The following SNX30 variants were observed in gnomAD, a reference collection of about 807,000 sequenced individuals.
SNX30 encodes sorting nexin family member 30.
Under a neutral mutation model 46.4 loss-of-function variants are expected in SNX30, and 24 were observed. That is an observed-to-expected ratio of 0.52 (90% confidence interval 0.37 to 0.73). SNX30 has a LOEUF of 0.73. Among genes scored for constraint, SNX30 ranks in the 30% least tolerant of loss-of-function variants. The probability of loss-of-function intolerance (pLI) is 0.00; values close to 1 mark genes in which losing one functional copy is unlikely to be tolerated. For synonymous variants in SNX30, 189 were observed against 211.5 expected (o/e 0.89, Z 0.92); for missense variants, 533 against 555.7 (o/e 0.96, Z 0.41).
chr9:112,829,691 C>T (rs766306486), intron 3 of SNX30, among the ~76,000 whole-genome samples: 4 of 152,160 alleles, frequency 2.6e-5, no homozygotes, highest in Admixed American at 1.3e-4. Flanking sequence ...ACAGTGGCTG[C>T]ACATTTTACA....
chr9:112,865,510 C>G (rs946349256), intron 8 of SNX30, among the ~76,000 whole-genome samples: 3 of 151,054 alleles, frequency 2.0e-5, no homozygotes, highest in Non-Finnish European at 4.4e-5. Flanking sequence ...TCCAGCTACT[C>G]GGGAGGCTGT....
rs572936459 is a variant in SNX30 at position 112,872,796 on chromosome 9, A to C, written c.*3953A>C. On this transcript the variant is annotated 3_prime_UTR_variant, in exon 9 of 9. Coordinates refer to ENST00000374232, the MANE Select transcript of SNX30 (RefSeq NM_001012994.2). ...AAGCCTTCAAGATGGCAGCAGATGG[A>C]CACACCCTCTCATTTCTTGTGTCTT... 4.6e-5 allele frequency: 7 copies of C among 152,262 alleles called. No homozygotes were observed. Among genetic ancestry groups the C allele is most frequent in the African/African-American group, 1.4e-4 (6 of 41,556 alleles). The allele number at this position is 152,262 out of a possible 1,614,324, so 9.4% of individuals were successfully genotyped here. A position where few individuals can be genotyped will look rare whatever the true frequency, so the allele number is the denominator to read the frequency against.
intron 1 of SNX30, among the ~76,000 whole-genome samples, chr9:112,755,789 T>C (rs185613727): frequency 6.6e-6 from 1 of 152,144 alleles, no homozygotes; most frequent in East Asian, 1.9e-4. Flanking sequence ...ATCTCTTGGC[T>C]CTGCTTTCTT....
chr9:112,876,500 G>C (rs146758840), downstream of SNX30, among the ~76,000 whole-genome samples: 5 of 152,242 alleles, frequency 3.3e-5, no homozygotes, highest in East Asian at 9.6e-4. Flanking sequence ...GGTGTGAGAA[G>C]GAGAACTTGG....
chr9:112,762,331 G>A (rs1051714581), intron 1 of SNX30, among the ~76,000 whole-genome samples: 1 of 152,220 alleles, frequency 6.6e-6, no homozygotes, highest in East Asian at 1.9e-4. Context: ...TGTTTGGGTG[G>A]CCGAGTGCAG....
At chr9:112,848,308 C>A (rs894704035) in intron 6 of SNX30, among the ~76,000 whole-genome samples, 1 of 152,068 alleles carries the variant, frequency 6.6e-6, no homozygotes, top group African/African-American at 2.4e-5. Context: ...GCTGGTTTGA[C>A]CAATTTTATC....
intron 1 of SNX30, among the ~76,000 whole-genome samples, chr9:112,766,459 A>T (rs1839538412): frequency 6.6e-6 from 1 of 152,210 alleles, no homozygotes; most frequent in African/African-American, 2.4e-5. Flanking sequence ...GTACAATACG[A>T]TGGCGTTAAG....
intron 1 of SNX30, among the ~76,000 whole-genome samples, chr9:112,760,301 G>C (rs548297847): frequency 6.6e-6 from 1 of 152,158 alleles, no homozygotes; most frequent in Non-Finnish European, 1.5e-5. Context: ...GGGCCCTGGA[G>C]GGGAGGCAGC....
intron 6 of SNX30, among the ~76,000 whole-genome samples, chr9:112,843,456 G>A (rs971386748): frequency 2.0e-5 from 3 of 151,936 alleles, no homozygotes; most frequent in Non-Finnish European, 4.4e-5. Flanking sequence ...CGCAAGGGTC[G>A]GAGGATGGAG....
chr9:112,759,986 T>C (rs1356841157), intron 1 of SNX30, among the ~76,000 whole-genome samples: 4 of 152,194 alleles, frequency 2.6e-5, no homozygotes, highest in Admixed American at 1.3e-4. Flanking sequence ...TCCTTGATAT[T>C]GTACTCTCCA....
chr9:112,849,555 A>G (rs1470099503), intron 6 of SNX30, among the ~76,000 whole-genome samples: 1 of 152,200 alleles, frequency 6.6e-6, no homozygotes, highest in South Asian at 2.1e-4. Context: ...CACTTAGGAG[A>G]CAGCTGAGTG....
rs527617499 is a variant in SNX30, at chr9:112,796,062, A to G, written c.157-8714A>G. Among the ~76,000 whole-genome samples, 7 of 152,224 alleles carry G rather than the reference A, an allele frequency of 4.6e-5. No homozygotes were observed. The South Asian group carries it at 1.5e-3, about 32-fold the overall frequency. On this transcript the variant is annotated intron_variant, in intron 1 of 8. Transcript: ENST00000374232. ...TTCCAGCAAAGATAAGGGGCATGAA[A>G]CTGCTGGGTGGTTCCTGAGAACTGG...
chr9:112,818,958 C>T (rs1840448230), intron 3 of SNX30, among the ~76,000 whole-genome samples: 1 of 152,186 alleles, frequency 6.6e-6, no homozygotes. Context: ...CTTCTAACCA[C>T]TTAAAAACAT....
intron 1 of SNX30, among the ~76,000 whole-genome samples, chr9:112,751,456 T>A (rs962256102): frequency 6.6e-6 from 1 of 152,208 alleles, no homozygotes; most frequent in Non-Finnish European, 1.5e-5. Context: ...GCAGGGCGCC[T>A]GTGTCCTCGG....
intron 1 of SNX30, among the ~76,000 whole-genome samples, chr9:112,779,866 G>A (rs753648742): frequency 4.6e-5 from 7 of 152,114 alleles, no homozygotes; most frequent in Non-Finnish European, 8.8e-5. Context: ...TATTTTACAC[G>A]TGACGAAATG....
chr9:112,843,351 G>A (rs532894574), intron 6 of SNX30, among the ~76,000 whole-genome samples: 7 of 152,254 alleles, frequency 4.6e-5, no homozygotes, highest in East Asian at 1.9e-4. Flanking sequence ...AATGACTGGG[G>A]TGGGGTGAGG....
intron 5 of SNX30, 24 bp downstream of exon 5, chr9:112,836,433 A>G (rs1178758718): frequency 1.9e-6 from 3 of 1,573,542 alleles, no homozygotes; most frequent in Non-Finnish European, 2.6e-6. Flanking sequence ...TGAGGTCTCG[A>G]TTATGCCCTG....
chr9:112,858,950 A>C (rs916512379), intron 7 of SNX30, among the ~76,000 whole-genome samples: 29 of 152,340 alleles, frequency 1.9e-4, no homozygotes, highest in African/African-American at 6.3e-4. Flanking sequence ...AATATACAGA[A>C]TATAAAATTT....
chr9:112,860,458 G>A (rs1841208349), intron 7 of SNX30, among the ~76,000 whole-genome samples: 1 of 152,134 alleles, frequency 6.6e-6, no homozygotes, highest in South Asian at 2.1e-4. Context: ...GCCTTTGGTG[G>A]CATTAGTGCC....
Sources: gnomAD v4.1 joint callset for allele counts (sites outside exome capture counted in the v4.1 genomes callset) on GRCh38, gnomAD v4.1.1 for gene constraint, MANE v1.5 for transcripts, NCBI Gene and HGNC (gene_info 2026-07-23, HGNC 2026-07-21) for gene names.